DLG2: variants seen among roughly 807,000 people sequenced by gnomAD.
DLG2 encodes the protein discs large MAGUK scaffold protein 2.
In DLG2, 45 loss-of-function variants were observed where a neutral mutation model predicts 132.5. That is an observed-to-expected ratio of 0.34 (90% CI 0.27 to 0.44). The LOEUF is 0.44. Ranked by LOEUF, DLG2 falls within the 20% of genes least tolerant of loss-of-function variation. DLG2 has a pLI of 1.00. For synonymous variants in DLG2, 424 were observed against 419.6 expected (o/e 1.01, Z -0.13); for missense variants, 1,045 against 1,196.9 (o/e 0.87, Z 1.87).
At chr11:84,754,868 A>C (rs1487826724) in intron 6 of DLG2, among the ~76,000 whole-genome samples, 1 of 152,160 alleles carries the variant, frequency 6.6e-6, no homozygotes, top group Non-Finnish European at 1.5e-5. Flanking sequence ...TTAGTATAGG[A>C]AACTATGCAT....
chr11:85,164,494 CCT>C lies in DLG2; in HGVS notation c.187-9845_187-9844del, dbSNP rs1354054075. On this transcript the variant is annotated intron_variant, in intron 4 of 27. Coordinates refer to ENST00000376104, the MANE Select transcript of DLG2 (RefSeq NM_001142699.3). Reference sequence around the variant, plus strand: ...TTATGTTTCCACCGTTACTTCATCCCCTGATAACTTGCTGTCAATTATGCTCT... The same window carrying C: ...TTATGTTTCCACCGTTACTTCATCCCGATAACTTGCTGTCAATTATGCTCT... 3.9e-5 allele frequency among the ~76,000 whole-genome samples: 6 copies of C among 152,236 alleles called. No individual in the cohort carries two copies. The South Asian group carries it at 1.2e-3, about 32-fold the overall frequency.
intron 15 of DLG2, among the ~76,000 whole-genome samples, chr11:83,924,216 T>G (rs2078504727): frequency 6.6e-6 from 1 of 152,110 alleles, no homozygotes; most frequent in Admixed American, 6.6e-5. Context: ...CTATTAGAGA[T>G]TAGTTTTGGA....
At chr11:84,397,028 T>C (rs1316130687) in intron 7 of DLG2, among the ~76,000 whole-genome samples, 1 of 152,208 alleles carries the variant, frequency 6.6e-6, no homozygotes, top group Non-Finnish European at 1.5e-5. Context: ...TTATCATTTA[T>C]TGAATACTCC....
chr11:85,457,311 G>C (rs960450616), intron 3 of DLG2, among the ~76,000 whole-genome samples: 3 of 150,928 alleles, frequency 2.0e-5, no homozygotes, highest in Non-Finnish European at 4.4e-5. Flanking sequence ...CCATCCCTTT[G>C]TTTTGGGCCT....
At chr11:84,132,245 T>A (rs2094448255) in intron 9 of DLG2, among the ~76,000 whole-genome samples, 1 of 151,972 alleles carries the variant, frequency 6.6e-6, no homozygotes, top group Admixed American at 6.6e-5. Flanking sequence ...ATTAAAAAAA[T>A]GTTCAGTTTC....
intron 21 of DLG2, among the ~76,000 whole-genome samples, chr11:83,510,648 C>T (rs1227706505): frequency 6.6e-6 from 1 of 152,054 alleles, no homozygotes; most frequent in Non-Finnish European, 1.5e-5. Flanking sequence ...CCCTTGTTTT[C>T]TGTCTCAGGC....
intron 3 of DLG2, among the ~76,000 whole-genome samples, chr11:85,470,355 G>A (rs780580676): frequency 2.0e-4 from 30 of 152,112 alleles, no homozygotes; most frequent in Non-Finnish European, 3.8e-4. Context: ...TATGAGCTAG[G>A]CCACAAAGGA....
intron 6 of DLG2, chr11:84,936,546 T>C (rs1352532299): frequency 6.6e-6 from 1 of 152,098 alleles, no homozygotes. Flanking sequence ...AAGATATATA[T>C]GTGCAATATA....
At chr11:84,510,243 G>C (rs117369847) in intron 7 of DLG2, among the ~76,000 whole-genome samples, 135 of 151,898 alleles carry the variant, frequency 8.9e-4, no homozygotes, top group Middle Eastern at 3.4e-3. Context: ...TATAACATTT[G>C]ATGAGTAACT....
chr11:83,954,072 G>A (rs1242270338), intron 14 of DLG2, among the ~76,000 whole-genome samples: 1 of 152,178 alleles, frequency 6.6e-6, no homozygotes, highest in Non-Finnish European at 1.5e-5. Context: ...AGAGCATAGT[G>A]TTGTGTGTTT....
At chr11:84,567,936 C>T (rs1351465431) in intron 6 of DLG2, among the ~76,000 whole-genome samples, 1 of 152,138 alleles carries the variant, frequency 6.6e-6, no homozygotes, top group African/African-American at 2.4e-5. Flanking sequence ...CCTCCCACTC[C>T]CCCAAGTCAG....
intron 11 of DLG2, among the ~76,000 whole-genome samples, chr11:84,058,304 A>G (rs1846780071): frequency 6.6e-6 from 1 of 151,954 alleles, no homozygotes; most frequent in Non-Finnish European, 1.5e-5. Context: ...ATTAAATACT[A>G]TTAAGTTACT....
chr11:85,317,915 G>A (rs1175629703), intron 3 of DLG2, among the ~76,000 whole-genome samples: 1 of 151,630 alleles, frequency 6.6e-6, no homozygotes, highest in East Asian at 1.9e-4. Context: ...AAAAAAAATA[G>A]CACCCAATTT....
At chr11:85,609,128 C>A (rs558110555) in intron 2 of DLG2, among the ~76,000 whole-genome samples, 5 of 152,288 alleles carry the variant, frequency 3.3e-5, no homozygotes, top group Non-Finnish European at 7.4e-5. Context: ...ATGAATTACT[C>A]AATGATGTCC....
intron 7 of DLG2, among the ~76,000 whole-genome samples, chr11:84,307,756 A>G (rs1467792701): frequency 6.7e-6 from 1 of 149,886 alleles, no homozygotes; most frequent in Non-Finnish European, 1.5e-5. Context: ...CAGTTCTTAA[A>G]GGCGGCGTGT....
chr11:83,510,375 C>G (rs576265786), intron 21 of DLG2, among the ~76,000 whole-genome samples: 2 of 152,202 alleles, frequency 1.3e-5, no homozygotes, highest in African/African-American at 4.8e-5. Context: ...GCATTCATGT[C>G]CTAGGAGTGA....
intron 17 of DLG2, among the ~76,000 whole-genome samples, chr11:83,817,917 C>T (rs1026409332): frequency 2.6e-5 from 4 of 152,170 alleles, no homozygotes; most frequent in African/African-American, 9.6e-5. Flanking sequence ...TTATTCATAA[C>T]TAACATACGT....
intron 6 of DLG2, among the ~76,000 whole-genome samples, chr11:84,693,751 A>G (rs1425380757): frequency 2.6e-5 from 4 of 151,420 alleles, no homozygotes; most frequent in African/African-American, 9.7e-5. Flanking sequence ...CTTGCACCAT[A>G]TGGGTCTTTG....
intron 3 of DLG2, among the ~76,000 whole-genome samples, chr11:85,341,244 G>T (rs1292218732): frequency 6.6e-6 from 1 of 151,884 alleles, no homozygotes; most frequent in African/African-American, 2.4e-5. Context: ...TCAGCCTCCC[G>T]AGTAGCTGGG....
Sources: allele counts gnomAD v4.1 joint callset (sites outside exome capture counted in the v4.1 genomes callset), GRCh38; gene constraint gnomAD v4.1.1; transcripts MANE v1.5; gene names NCBI Gene and HGNC (gene_info 2026-07-23, HGNC 2026-07-21).